Variants in FER observed in about 807,000 individuals in gnomAD.
FER encodes tyrosine-protein kinase Fer.
FER carries 63 observed loss-of-function variants against 111.0 expected under a neutral mutation model. That is an observed-to-expected ratio of 0.57 (90% CI 0.46 to 0.70). The LOEUF (loss-of-function observed/expected upper bound fraction) is 0.70. Among genes scored for constraint, FER ranks in the 30% least tolerant of loss-of-function variants. The pLI is 0.00. For synonymous variants in FER, 327 were observed against 313.9 expected (o/e 1.04, Z -0.44); for missense variants, 914 against 954.0 (o/e 0.96, Z 0.55).
At chr5:108,987,952 C>T (rs745713507) in intron 13 of FER, among the ~76,000 whole-genome samples, 7 of 119,072 alleles carry the variant, frequency 5.9e-5, no homozygotes, top group Non-Finnish European at 8.1e-5. Flanking sequence ...GCTTTTATTA[C>T]GTTAAGGTAT....
At position 109,150,245 on chromosome 5, in the gene FER, G is replaced by A. The variant is rs78625819; in HGVS notation, c.2049-30502G>A. 8.7e-4 allele frequency among the ~76,000 whole-genome samples: 132 copies of A among 152,052 alleles called. 1 individual carries two copies. In the East Asian group the frequency reaches 0.026, roughly 29 times the overall value. On this transcript the variant is annotated intron_variant, in intron 17 of 19. Transcript: ENST00000281092. ...AACTGAGCATCTATCTGATCAGCTG[G>A]CTCTCATTTTCTCTAAGTCATCGCT...
chr5:108,794,533 C>A (rs1175864415), intron 2 of FER, among the ~76,000 whole-genome samples: 14 of 136,812 alleles, frequency 1.0e-4, no homozygotes, highest in Admixed American at 1.5e-4. Context: ...CGCACCCCCC[C>A]CCCTCCCCGC....
At chr5:109,157,349 C>T (rs1187091995) in intron 17 of FER, among the ~76,000 whole-genome samples, 1 of 151,860 alleles carries the variant, frequency 6.6e-6, no homozygotes, top group Non-Finnish European at 1.5e-5. Context: ...CTGCTGTGAT[C>T]AGTAATGGGG....
At chr5:108,968,477 A>C (rs899089403) in intron 13 of FER, among the ~76,000 whole-genome samples, 21 of 152,210 alleles carry the variant, frequency 1.4e-4, no homozygotes, top group African/African-American at 5.1e-4. Flanking sequence ...AATGGATGTG[A>C]GAAAGGGATG....
intron 17 of FER, among the ~76,000 whole-genome samples, chr5:109,139,431 A>T (rs117971930): frequency 0.034 from 4,988 of 148,070 alleles, 135 homozygotes; most frequent in South Asian, 0.082. Context: ...GCTCACTGCA[A>T]GCTCCACTTC....
At chr5:108,949,208 A>G (rs1004629968) in intron 11 of FER, among the ~76,000 whole-genome samples, 1 of 151,952 alleles carries the variant, frequency 6.6e-6, no homozygotes, top group Non-Finnish European at 1.5e-5. Context: ...GAATGTAGCT[A>G]TTTTCATGCA....
intron 2 of FER, among the ~76,000 whole-genome samples, chr5:108,779,836 G>T (rs1333240470): frequency 6.6e-6 from 1 of 152,166 alleles, no homozygotes; most frequent in Non-Finnish European, 1.5e-5. Context: ...TTGAGAAGGA[G>T]AGGTGACGGG....
intron 1 of FER, among the ~76,000 whole-genome samples, chr5:108,754,219 T>C (rs1052848940): frequency 2.0e-5 from 3 of 151,958 alleles, no homozygotes; most frequent in Admixed American, 6.6e-5. Flanking sequence ...GAGAGCAGCC[T>C]GGGTAACATA....
At chr5:108,863,875 T>C (rs1259444408) in intron 5 of FER, among the ~76,000 whole-genome samples, 2 of 152,192 alleles carry the variant, frequency 1.3e-5, no homozygotes, top group Non-Finnish European at 2.9e-5. Flanking sequence ...AGTCAAAAAG[T>C]TTGAAAAGTA....
In FER at chr5:109,192,478, A is replaced by G. The variant is rs1249497525; in HGVS notation, c.*4903A>G. ...GTGTTAGGAGCACTGTTATATTCCC[A>G]GCTCAGAGATGATTGTGTGCTGGGA... On this transcript the variant is annotated 3_prime_UTR_variant, in exon 20 of 20. Transcript: ENST00000281092. 6.6e-6 allele frequency: 1 copy of G among 152,110 alleles called. No homozygotes were observed. Among genetic ancestry groups the G allele is most frequent in the Non-Finnish European group, 1.5e-5 (1 of 68,012 alleles). The allele number at this position is 152,110 out of a possible 1,614,324, so 9.4% of individuals were successfully genotyped here.
intron 17 of FER, among the ~76,000 whole-genome samples, chr5:109,126,933 A>G (rs1751801348): frequency 6.6e-6 from 1 of 152,192 alleles, no homozygotes; most frequent in Non-Finnish European, 1.5e-5. Context: ...TGTGAAGATT[A>G]GGGAGAACAA....
intron 13 of FER, among the ~76,000 whole-genome samples, chr5:109,023,135 T>C (rs72790548): frequency 2.6e-5 from 4 of 152,004 alleles, no homozygotes; most frequent in African/African-American, 9.7e-5. Flanking sequence ...TCTTAACTGG[T>C]AGGAGTAGAG....
chr5:108,970,280 A>G (rs771380896), intron 13 of FER, among the ~76,000 whole-genome samples: 10 of 151,720 alleles, frequency 6.6e-5, no homozygotes, highest in African/African-American at 9.8e-5. Context: ...CAGTGGCGCA[A>G]TCTTGGCTCA....
intron 13 of FER, among the ~76,000 whole-genome samples, chr5:108,996,472 C>G (rs903928992): frequency 2.0e-5 from 3 of 152,130 alleles, no homozygotes; most frequent in African/African-American, 7.2e-5. Flanking sequence ...TTTCAGTTTT[C>G]TGCATAAGGC....
At chr5:109,105,763 A>G (rs1338406053) in intron 17 of FER, among the ~76,000 whole-genome samples, 1 of 152,196 alleles carries the variant, frequency 6.6e-6, no homozygotes, top group Non-Finnish European at 1.5e-5. Context: ...AACAGCTGGC[A>G]TTTATTAAGG....
chr5:109,187,929 A>G lies in FER; in HGVS notation c.*354A>G, dbSNP rs1759059802. On this transcript the variant is annotated 3_prime_UTR_variant, in exon 20 of 20. Transcript: ENST00000281092. ...GGCACAGTTTGTAGGCTGCCATCCT[A>G]TGCCACAGACCCTACTCCGTTGGTG... The G allele has an allele frequency of 7.7e-6, 2 of 260,932 alleles. No individual in the cohort carries two copies. Among genetic ancestry groups the G allele is most frequent in the Admixed American group, 5.5e-5 (1 of 18,228 alleles). The allele number at this position is 260,932 out of a possible 1,614,324, so 16.2% of individuals were successfully genotyped here. A position where few individuals can be genotyped will look rare whatever the true frequency, so the allele number is the denominator to read the frequency against.
intron 17 of FER, among the ~76,000 whole-genome samples, chr5:109,102,578 A>G (rs1748374856): frequency 6.6e-6 from 1 of 152,156 alleles, no homozygotes; most frequent in Admixed American, 6.6e-5. Context: ...TCTCATAAAT[A>G]CTTTTCTGAC....
chr5:109,114,835 C>T (rs564549689), intron 17 of FER, among the ~76,000 whole-genome samples: 2 of 152,158 alleles, frequency 1.3e-5, no homozygotes, highest in East Asian at 1.9e-4. Flanking sequence ...TTTCCACTCC[C>T]CCTCTCATCA....
chr5:108,831,473 T>C (rs897692514), intron 3 of FER, among the ~76,000 whole-genome samples: 9 of 152,196 alleles, frequency 5.9e-5, no homozygotes, highest in African/African-American at 2.2e-4. Context: ...TAGTTTTAAA[T>C]TGCTTTGTGG....
Sources: gnomAD v4.1 joint callset for allele counts (sites outside exome capture counted in the v4.1 genomes callset) on GRCh38, gnomAD v4.1.1 for gene constraint, MANE v1.5 for transcripts, NCBI Gene and HGNC (gene_info 2026-07-23, HGNC 2026-07-21) for gene names.